The following SMU1 variants were observed in gnomAD, a reference collection of about 807,000 sequenced individuals.
SMU1 encodes SMU1 DNA replication regulator and spliceosomal factor.
In SMU1, 2 loss-of-function variants were observed where a neutral mutation model predicts 62.0. The observed-to-expected ratio is 0.03, with a 90% CI of 0.01 to 0.10. The LOEUF is 0.10. Among genes scored for constraint, SMU1 ranks in the 10% least tolerant of loss-of-function variants. The pLI is 1.00. For synonymous variants in SMU1, 188 were observed against 212.4 expected (o/e 0.89, Z 1.00); for missense variants, 227 against 622.1 (o/e 0.36, Z 6.76).
At chr9:33,074,451 A>ACACAC (rs201578552) in intron 1 of SMU1, among the ~76,000 whole-genome samples, 43 of 148,944 alleles carry the variant, frequency 2.9e-4, no homozygotes, top group Non-Finnish European at 3.6e-4. Flanking sequence ...CACACACACA[A>ACACAC]AAAAAAAAAT....
At chr9:33,057,495 T>C (rs1053643920) in intron 7 of SMU1, 103 bp downstream of exon 7, 1 of 1,392,782 alleles carries the variant, frequency 7.2e-7, no homozygotes, top group African/African-American at 1.4e-5. Context: ...TGATGCTCAA[T>C]AATCAGTAGC....
At chr9:33,059,397 G>GT (rs1564022232) in intron 6 of SMU1, among the ~76,000 whole-genome samples, 1 of 118,168 alleles carries the variant, frequency 8.5e-6, no homozygotes, top group East Asian at 2.6e-4. Flanking sequence ...GTAACTTTTT[G>GT]TTTTTTTGAA....
intron 3 of SMU1, among the ~76,000 whole-genome samples, chr9:33,070,610 C>T (rs1194164541): frequency 6.6e-6 from 1 of 151,990 alleles, no homozygotes; most frequent in Non-Finnish European, 1.5e-5. Context: ...TCACAATAGG[C>T]AAGATTTGGA....
rs1839142419 is a variant in SMU1, at chr9:33,043,044, A to T, written c.*4249T>A. 1 of 152,212 alleles carries T rather than the reference A, an allele frequency of 6.6e-6. No individual in the cohort carries two copies. The highest frequency in any genetic ancestry group is 1.5e-5 in the Non-Finnish European group (1 of 68,130). The allele number at this position is 152,212 out of a possible 1,614,324, so 9.4% of individuals were successfully genotyped here. A position where few individuals can be genotyped will look rare whatever the true frequency, so the allele number is the denominator to read the frequency against. ...GAGACAGGGTGTCACCATGTTGGCCAGGGTGGTCTTGAACTCCTGACCTCG... is the reference window on the plus strand; with the variant it reads ...GAGACAGGGTGTCACCATGTTGGCCTGGGTGGTCTTGAACTCCTGACCTCG... On this transcript the variant is annotated 3_prime_UTR_variant, in exon 12 of 12. Coordinates refer to ENST00000397149, the MANE Select transcript of SMU1 (RefSeq NM_018225.3).
chr9:33,073,378 C>A (rs943410241), intron 2 of SMU1, among the ~76,000 whole-genome samples: 3 of 152,008 alleles, frequency 2.0e-5, no homozygotes, highest in Admixed American at 6.6e-5. Context: ...GAGTGGGTAA[C>A]AGAACAAGAT....
chr9:33,049,089 G>A (rs1839215653), intron 10 of SMU1, among the ~76,000 whole-genome samples: 1 of 152,264 alleles, frequency 6.6e-6, no homozygotes, highest in Admixed American at 6.5e-5. Flanking sequence ...CAAAATCCCA[G>A]CAAATTATTT....
rs1370337182 is a variant in SMU1 at position 33,042,213 on chromosome 9, G to A, written c.*5080C>T. The A allele has an allele frequency of 6.5e-6, 1 of 152,746 alleles. No individual in the cohort carries two copies. The highest frequency in any genetic ancestry group is 1.5e-5 in the Non-Finnish European group (1 of 68,070). 9.5% of individuals were successfully genotyped at this position (152,746 alleles called of 1,614,324 possible). A position where few individuals can be genotyped will look rare whatever the true frequency, so the allele number is the denominator to read the frequency against. ...TAACCTAATAGTTATATCCTGAAGA[G>A]GCAGAAACTGATAGGTTTGTCTGTG... On this transcript the variant is annotated 3_prime_UTR_variant, in exon 12 of 12. Transcript: ENST00000397149.
chr9:33,060,954 T>C (rs1260348678), intron 5 of SMU1, among the ~76,000 whole-genome samples: 1 of 152,234 alleles, frequency 6.6e-6, no homozygotes, highest in Non-Finnish European at 1.5e-5. Context: ...TGGCCTAATA[T>C]GTTCCTGTTG....
At chr9:33,072,617 G>A (rs1839499060) in intron 2 of SMU1, among the ~76,000 whole-genome samples, 1 of 151,870 alleles carries the variant, frequency 6.6e-6, no homozygotes. Context: ...GATCACTTGA[G>A]GTCAGGAGTT....
At chr9:33,057,567 A>G (rs1839316396) in intron 7 of SMU1, 31 bp downstream of exon 7, 3 of 1,611,514 alleles carry the variant, frequency 1.9e-6, no homozygotes, top group African/African-American at 2.7e-5. Flanking sequence ...CAAAATGTCT[A>G]CATATGAGAG....
At chr9:33,063,584 A>G (rs926304301) in intron 4 of SMU1, among the ~76,000 whole-genome samples, 1 of 152,198 alleles carries the variant, frequency 6.6e-6, no homozygotes, top group Non-Finnish European at 1.5e-5. Flanking sequence ...ACCCAGCTGT[A>G]CAGCAGGAGG....
intron 3 of SMU1, 31 bp from the exon 4 acceptor site, chr9:33,068,965 C>G (rs1297091463): frequency 6.2e-7 from 1 of 1,609,748 alleles, no homozygotes; most frequent in South Asian, 1.1e-5. Context: ...GCATCATTTC[C>G]AAGAAGCAAC....
chr9:33,050,780 T>C (rs1165186720), intron 10 of SMU1, among the ~76,000 whole-genome samples: 17 of 139,048 alleles, frequency 1.2e-4, no homozygotes, highest in East Asian at 1.1e-3. Flanking sequence ...GAGCTGAGAT[T>C]GCGCCACTGC....
intron 4 of SMU1, among the ~76,000 whole-genome samples, chr9:33,063,836 C>T (rs1251892152): frequency 6.6e-6 from 1 of 151,890 alleles, no homozygotes; most frequent in East Asian, 1.9e-4. Context: ...CGAAACCAGT[C>T]TTTGGTGCCA....
chr9:33,057,004 T>C (rs1453260800), intron 7 of SMU1, 40 bp from the exon 8 acceptor site: 2 of 1,587,026 alleles, frequency 1.3e-6, no homozygotes, highest in South Asian at 1.1e-5. Context: ...AAAACCTTGT[T>C]AAGTGTCCTA....
intron 1 of SMU1, among the ~76,000 whole-genome samples, chr9:33,075,768 C>G (rs1303279506): frequency 6.6e-6 from 1 of 152,206 alleles, no homozygotes; most frequent in Non-Finnish European, 1.5e-5. Context: ...CTCTCCCTCC[C>G]TTACACTCAG....
In SMU1 at chr9:33,042,138, A is replaced by C. The variant is rs1488506396; in HGVS notation, c.*5155T>G. On this transcript the variant is annotated 3_prime_UTR_variant, in exon 12 of 12. Coordinates refer to ENST00000397149, the MANE Select transcript of SMU1 (RefSeq NM_018225.3). The stretch of plus-strand genomic sequence containing the variant: ...AGTCATATTAGGTCGGTTGGTGCAA[A>C]AGTAATGTGCCATTACTTTTAATGG... 7.3e-6 allele frequency: 1 copy of C among 136,494 alleles called. No homozygotes were observed. The highest frequency in any genetic ancestry group is 1.7e-5 in the Non-Finnish European group (1 of 59,522). The allele number at this position is 136,494 out of a possible 1,614,324, so 8.5% of individuals were successfully genotyped here. A position where few individuals can be genotyped will look rare whatever the true frequency, so the allele number is the denominator to read the frequency against.
intron 3 of SMU1, among the ~76,000 whole-genome samples, chr9:33,070,003 G>A (rs1272767126): frequency 1.3e-5 from 2 of 151,906 alleles, no homozygotes; most frequent in Non-Finnish European, 2.9e-5. Context: ...GCACACACCA[G>A]TAATCCCAGC....
chr9:33,063,567 G>C (rs970432725), intron 4 of SMU1, among the ~76,000 whole-genome samples: 3 of 152,194 alleles, frequency 2.0e-5, no homozygotes, highest in African/African-American at 7.2e-5. Context: ...TCCACGGCCT[G>C]TTAGGAACCC....
Sources: allele counts gnomAD v4.1 joint callset (sites outside exome capture counted in the v4.1 genomes callset), GRCh38; gene constraint gnomAD v4.1.1; transcripts MANE v1.5; gene names NCBI Gene and HGNC (gene_info 2026-07-23, HGNC 2026-07-21).